The following BDP1 variants were observed in gnomAD, a reference collection of about 807,000 sequenced individuals.
BDP1 encodes the protein transcription factor TFIIIB component B'' homolog.
Under a neutral mutation model 266.6 loss-of-function variants are expected in BDP1, and 169 were observed. That is an observed-to-expected ratio of 0.63 (90% confidence interval 0.56 to 0.72). The LOEUF (loss-of-function observed/expected upper bound fraction) is 0.72, where lower values mean the gene tolerates loss of function less well. Ranked by LOEUF, BDP1 falls within the 30% of genes least tolerant of loss-of-function variation. The probability of loss-of-function intolerance (pLI) is 0.00; values close to 1 mark genes in which losing one functional copy is unlikely to be tolerated. For missense variants in BDP1, 3,015 were observed against 3,053.8 expected, an observed-to-expected ratio of 0.99 and a Z score of 0.30; for synonymous variants, 1,090 against 1,022.4, an observed-to-expected ratio of 1.07 and a Z score of -1.26.
intron 26 of BDP1, chr5:71,537,554 G>A (rs56270422): frequency 0.015 from 2,387 of 156,812 alleles, 55 homozygotes; most frequent in African/African-American, 0.054. Context: ...ATCAGACTTG[G>A]CTTTTTTTCT....
At chr5:71,577,011 A>G in the BDP1 span, among the ~76,000 whole-genome samples, 1 of 152,198 alleles carries the variant, frequency 6.6e-6, no homozygotes, top group Non-Finnish European at 1.5e-5. Context: ...TTTAATCCTT[A>G]TGTGTTTTTG....
intron 11 of BDP1, among the ~76,000 whole-genome samples, chr5:71,492,571 T>G (rs1763657497): frequency 6.6e-6 from 1 of 152,178 alleles, no homozygotes; most frequent in African/African-American, 2.4e-5. Context: ...CTGTGCCCAA[T>G]TTTTTAATTA....
intron 15 of BDP1, among the ~76,000 whole-genome samples, chr5:71,503,121 C>T (rs896968022): frequency 7.3e-5 from 11 of 150,706 alleles, no homozygotes; most frequent in African/African-American, 2.4e-4. Context: ...TTTAGTTGTG[C>T]GACTGCAGGC....
chr5:71,511,248 T>TAA, intron 17 of BDP1, 97 bp downstream of exon 17: 1 of 1,156,182 alleles, frequency 8.6e-7, no homozygotes, highest in Non-Finnish European at 1.2e-6. Context: ...CAACAACACT[T>TAA]AAAAATCTCT....
chr5:71,510,680 A>G lies in BDP1; in HGVS notation c.3588A>G (p.Ile1196Met). 2 of 1,613,388 alleles carry G rather than the reference A, an allele frequency of 1.2e-6. No homozygotes were observed. Among genetic ancestry groups the G allele is most frequent in the Non-Finnish European group, 1.7e-6 (2 of 1,179,688 alleles). Reference protein sequence around the residue: ...TREVIDAAEVIETDLEETERE... With the variant: ...TREVIDAAEVMETDLEETERE... ...AGGTGATTGATGCTGCTGAGGTAAT[A>G]GAGACAGATTTGGAAGAAACTGAAA... is the stretch of plus-strand genomic sequence containing the variant. The change falls in exon 17 of 39, where the codon ATA (isoleucine) becomes ATG (methionine). Residue 1196 changes from isoleucine to methionine, a missense_variant. By Grantham distance (10) the Ile-to-Met change is conservative. Around this residue, in one of 3 missense-constraint regions of BDP1, gnomAD observed 2,383 missense variants for 2,404.9 expected, o/e 0.99. Coordinates refer to ENST00000358731, the MANE Select transcript of BDP1 (RefSeq NM_018429.3).
At chr5:71,572,297 C>T (rs938889035), downstream of BDP1, among the ~76,000 whole-genome samples, 10 of 151,178 alleles carry the variant, frequency 6.6e-5, no homozygotes, top group Non-Finnish European at 1.2e-4. Flanking sequence ...TTCCCGCATT[C>T]ATCCCCCTTT....
intron 34 of BDP1, among the ~76,000 whole-genome samples, chr5:71,551,683 C>T (rs1486177983): frequency 6.6e-6 from 1 of 151,752 alleles, no homozygotes; most frequent in Admixed American, 6.5e-5. Flanking sequence ...CCAGCAGGGG[C>T]GGCCGGGCAG....
At chr5:71,541,910 C>T (rs925133194) in intron 29 of BDP1, among the ~76,000 whole-genome samples, 195 bp from the exon 30 acceptor site, 2 of 152,138 alleles carry the variant, frequency 1.3e-5, no homozygotes, top group Admixed American at 1.3e-4. Context: ...CTCTGTTTTA[C>T]AAATACAGAC....
intron 24 of BDP1, among the ~76,000 whole-genome samples, chr5:71,523,629 AT>A (rs1765623236): frequency 2.6e-5 from 4 of 152,090 alleles, no homozygotes; most frequent in Admixed American, 2.6e-4. Context: ...TGTGTCTTTT[AT>A]CCCTTTTTCT....
chr5:71,552,246 C>A (rs1239757576), intron 34 of BDP1, among the ~76,000 whole-genome samples: 6 of 151,688 alleles, frequency 4.0e-5, no homozygotes, highest in Non-Finnish European at 7.4e-5. Flanking sequence ...AGGCGCCCCC[C>A]ACATCTCAGA....
rs1461908762 is a variant in BDP1 at position 71,524,329 on chromosome 5, G to T, written c.5772+6G>T. On this transcript the variant is annotated splice_donor_region_variant and intron_variant, in intron 25 of 38. Coordinates refer to ENST00000358731, the MANE Select transcript of BDP1 (RefSeq NM_018429.3). ...TTGAGGAAACAATGGAAGAGGTTCG[G>T]TTTTTTTTTAAAACCTTGGTACTTT... 3.2e-6 allele frequency: 5 copies of T among 1,557,920 alleles called. No individual in the cohort carries two copies. Among genetic ancestry groups the T allele is most frequent in the South Asian group, 1.2e-5 (1 of 83,428 alleles).
chr5:71,570,515 T>C (rs1348125473), downstream of BDP1, among the ~76,000 whole-genome samples: 1 of 152,224 alleles, frequency 6.6e-6, no homozygotes, highest in Non-Finnish European at 1.5e-5. Flanking sequence ...AATTGTTTTG[T>C]CTATAGGTGT....
At chr5:71,529,068 T>C (rs186233666) in intron 25 of BDP1, among the ~76,000 whole-genome samples, 1 of 152,238 alleles carries the variant, frequency 6.6e-6, no homozygotes, top group East Asian at 1.9e-4. Context: ...AACAGGGAAA[T>C]TCATATATAT....
chr5:71,455,863 C>T lies in BDP1; in HGVS notation c.-15C>T, dbSNP rs781268133. 5.1e-6 allele frequency: 8 copies of T among 1,553,636 alleles called. No individual in the cohort carries two copies. The highest frequency in any genetic ancestry group is 7.0e-6 in the Non-Finnish European group (8 of 1,148,666). The stretch of plus-strand genomic sequence containing the variant: ...GCGGCCGTGAGGCTGCCTCCCCGGG[C>T]CCCCTGCCTCCGCCATGTTCCGCAG... On this transcript the variant is annotated 5_prime_UTR_variant, in exon 1 of 39. Coordinates refer to ENST00000358731, the MANE Select transcript of BDP1 (RefSeq NM_018429.3).
rs771564411 is a variant in BDP1, at chr5:71,522,518, A to AT, written c.5193+36dup. 756 of 1,360,956 alleles carry AT rather than the reference A, an allele frequency of 5.6e-4. 1 individual carries two copies. In the African/African-American group the frequency reaches 7.5e-3, roughly 14 times the overall value. The allele number at this position is 1,360,956 out of a possible 1,614,324, so 84.3% of individuals were successfully genotyped here. A position where few individuals can be genotyped will look rare whatever the true frequency, so the allele number is the denominator to read the frequency against. On this transcript the variant is annotated intron_variant, in intron 23 of 38. Transcript: ENST00000358731. ...AAGTTTGGGCAAAAAAAAAAAAAAA[A>AT]TTTTTTTTCTCAATGAGGTCTGTTT... is the stretch of plus-strand genomic sequence containing the variant.
intron 7 of BDP1, among the ~76,000 whole-genome samples, chr5:71,475,464 A>T (rs1315931740): frequency 2.0e-5 from 3 of 151,842 alleles, no homozygotes; most frequent in African/African-American, 7.3e-5. Context: ...CTTTTTTTGT[A>T]TTTTGCTGTT....
At chr5:71,525,660 G>A (rs1431253293) in intron 25 of BDP1, among the ~76,000 whole-genome samples, 2 of 119,892 alleles carry the variant, frequency 1.7e-5, no homozygotes, top group Admixed American at 7.6e-5. Flanking sequence ...CCTCCCTTCC[G>A]GACGGGGTGG....
At chr5:71,489,368 T>G (rs1034400457) in intron 9 of BDP1, 36 bp from the exon 10 acceptor site, 1 of 1,508,692 alleles carries the variant, frequency 6.6e-7, no homozygotes, top group African/African-American at 1.4e-5. Flanking sequence ...TTCTTTAGGT[T>G]GTTTAAATAT....
chr5:71,551,653 G>A lies in BDP1; in HGVS notation c.6996-1463G>A, dbSNP rs551386911. 2.4e-3 allele frequency among the ~76,000 whole-genome samples: 367 copies of A among 152,118 alleles called. 2 individuals are homozygous for A. Among genetic ancestry groups the A allele is most frequent in the African/African-American group, 8.5e-3 (354 of 41,528 alleles). ...ACCTCCCAGACGGGGTGGTGGCCGG[G>A]CAGAGGGGCTCTTCACTTCCCAGCA... On this transcript the variant is annotated intron_variant, in intron 34 of 38. Coordinates refer to ENST00000358731, the MANE Select transcript of BDP1 (RefSeq NM_018429.3).
Sources: gnomAD v4.1 joint callset for allele counts (sites outside exome capture counted in the v4.1 genomes callset) on GRCh38, gnomAD v4.1.1 for gene constraint, gnomAD v4.1.1 regional missense constraint, MANE v1.5 for transcripts, NCBI Gene and HGNC (gene_info 2026-07-23, HGNC 2026-07-21) for gene names.